Variants in SPTLC3 observed in about 807,000 individuals in gnomAD.
SPTLC3 encodes serine palmitoyltransferase long chain base subunit 3.
In SPTLC3, 36 loss-of-function variants were observed where a neutral mutation model predicts 59.3. The observed-to-expected ratio is 0.61, with a 90% CI of 0.47 to 0.80. The LOEUF (loss-of-function observed/expected upper bound fraction) is 0.80. Among genes scored for constraint, SPTLC3 ranks in the 30% least tolerant of loss-of-function variants. The probability of loss-of-function intolerance (pLI) is 0.00; values close to 1 mark genes in which losing one functional copy is unlikely to be tolerated. For missense variants in SPTLC3, 625 were observed against 685.1 expected, an observed-to-expected ratio of 0.91 and a Z score of 0.98; for synonymous variants, 257 against 240.8, an observed-to-expected ratio of 1.07 and a Z score of -0.62.
chr20:13,116,617 A>G lies in SPTLC3; in HGVS notation c.933-889A>G, dbSNP rs936609431. 2.3e-4 allele frequency among the ~76,000 whole-genome samples: 35 copies of G among 152,176 alleles called. 1 individual carries two copies. The highest frequency in any genetic ancestry group is 4.4e-5 in the Non-Finnish European group (3 of 68,022). ...AGAGCATTTCTGTCTCTGCCCTAGC[A>G]TGGAAGGTTCTATCGTGTATCTGTC... On this transcript the variant is annotated intron_variant, in intron 7 of 11. Transcript: ENST00000399002.
rs1986142941 is a variant in SPTLC3 at position 13,026,327 on chromosome 20, T to G, written c.117+16943T>G. 3.9e-5 allele frequency among the ~76,000 whole-genome samples: 6 copies of G among 152,222 alleles called. No individual in the cohort carries two copies. In the South Asian group the frequency reaches 1.2e-3, roughly 32 times the overall value. ...GCACTGTCATCCACAATGGTTGAACTAATTTACACTCCCACCAACAGTGTG... is the reference window on the plus strand; with the variant it reads ...GCACTGTCATCCACAATGGTTGAACGAATTTACACTCCCACCAACAGTGTG... On this transcript the variant is annotated intron_variant, in intron 1 of 11. Transcript: ENST00000399002.
rs1431541896 is a variant in SPTLC3 at position 13,166,037 on chromosome 20, T to C, written c.*1170T>C. The C allele has an allele frequency of 1.3e-5, 2 of 152,598 alleles. No individual in the cohort carries two copies. Among genetic ancestry groups the C allele is most frequent in the Non-Finnish European group, 2.9e-5 (2 of 68,030 alleles). 9.5% of individuals were successfully genotyped at this position (152,598 alleles called of 1,614,324 possible). On this transcript the variant is annotated 3_prime_UTR_variant, in exon 12 of 12. Coordinates refer to ENST00000399002, the MANE Select transcript of SPTLC3 (RefSeq NM_018327.4). ...TAGCCTCTTGTTAATCTGATCTAGT[T>C]TGTATGGAAAAAGCCCATGGAGAAC...
At chr20:13,135,168 A>G (rs1212051072) in intron 9 of SPTLC3, among the ~76,000 whole-genome samples, 2 of 152,354 alleles carry the variant, frequency 1.3e-5, no homozygotes, top group Admixed American at 6.5e-5. Context: ...GGTAGCATTT[A>G]TAATAATTAT....
intron 2 of SPTLC3, among the ~76,000 whole-genome samples, chr20:13,060,788 C>CT (rs140765839): frequency 0.25 from 38,199 of 151,276 alleles, 4,908 homozygotes; most frequent in Middle Eastern, 0.33. Flanking sequence ...TAATTTTATT[C>CT]TTTTTTGTGG....
At chr20:13,159,885 A>T in intron 10 of SPTLC3, 118 bp from the exon 11 acceptor site, 6 of 1,355,996 alleles carry the variant, frequency 4.4e-6, no homozygotes, top group Non-Finnish European at 5.9e-6. Flanking sequence ...ACTTATTATC[A>T]TAAAAAAGAA....
chr20:13,049,261 C>T (rs369015762), intron 2 of SPTLC3, 131 bp downstream of exon 2: 6 of 1,006,114 alleles, frequency 6.0e-6, no homozygotes, highest in Non-Finnish European at 9.1e-6. Flanking sequence ...AAATTTCATT[C>T]ATCTCCACCT....
rs1418224173 is a variant in SPTLC3 at position 13,166,612 on chromosome 20, C to T, written c.*1745C>T. 1 of 152,198 alleles carries T rather than the reference C, an allele frequency of 6.6e-6. No individual in the cohort carries two copies. The highest frequency in any genetic ancestry group is 1.5e-5 in the Non-Finnish European group (1 of 68,042). 9.4% of individuals were successfully genotyped at this position (152,198 alleles called of 1,614,324 possible). ...AAATATGCAAAGAAAGGGAGACATA[C>T]TGTTCTTATCTTGAATATGTGCATT... On this transcript the variant is annotated 3_prime_UTR_variant, in exon 12 of 12. Coordinates refer to ENST00000399002, the MANE Select transcript of SPTLC3 (RefSeq NM_018327.4).
intron 3 of SPTLC3, 123 bp from the exon 4 acceptor site, chr20:13,074,226 C>A: frequency 8.1e-7 from 1 of 1,228,884 alleles, no homozygotes; most frequent in South Asian, 1.3e-5. Flanking sequence ...TCTGAGCTGC[C>A]ATCTCCTTGG....
intron 1 of SPTLC3, among the ~76,000 whole-genome samples, chr20:13,038,900 T>C (rs1986853590): frequency 6.6e-6 from 1 of 151,770 alleles, no homozygotes. Context: ...CTTTGACTCA[T>C]TTACTATTTA....
At chr20:13,042,301 T>C (rs1024942078) in intron 1 of SPTLC3, among the ~76,000 whole-genome samples, 1 of 152,180 alleles carries the variant, frequency 6.6e-6, no homozygotes, top group African/African-American at 2.4e-5. Context: ...AAATAAGTTA[T>C]CTTGGGGAAT....
chr20:13,138,971 T>C lies in SPTLC3; in HGVS notation c.1279+12254T>C, dbSNP rs146476437. Among the ~76,000 whole-genome samples the C allele has an allele frequency of 3.6e-4, 55 of 152,306 alleles. 2 individuals carry two copies. The East Asian group carries it at 0.01, about 28-fold the overall frequency. ...TCTGAAACTCAAAAGTGTATTTGAC[T>C]TTTTCATACACAGTAATCAGCAGGC... On this transcript the variant is annotated intron_variant, in intron 9 of 11. Transcript: ENST00000399002.
chr20:13,151,289 TG>T (rs775500508), intron 9 of SPTLC3, among the ~76,000 whole-genome samples: 46 of 152,250 alleles, frequency 3.0e-4, no homozygotes, highest in Non-Finnish European at 5.9e-4. Context: ...CAAGAAGATC[TG>T]GTTTGTTTAA....
intron 2 of SPTLC3, among the ~76,000 whole-genome samples, chr20:13,062,700 C>T (rs545033898): frequency 1.3e-4 from 20 of 152,294 alleles, no homozygotes; most frequent in African/African-American, 4.8e-4. Flanking sequence ...TGTGTACTTA[C>T]TCTGTCCTTT....
chr20:13,032,449 G>C (rs913821019), intron 1 of SPTLC3, among the ~76,000 whole-genome samples: 1 of 152,158 alleles, frequency 6.6e-6, no homozygotes, highest in Non-Finnish European at 1.5e-5. Context: ...GGCTTACCCT[G>C]CTATCAAAGG....
intron 9 of SPTLC3, among the ~76,000 whole-genome samples, chr20:13,143,532 CT>C (rs1247808449): frequency 6.6e-6 from 1 of 152,178 alleles, no homozygotes; most frequent in Non-Finnish European, 1.5e-5. Context: ...GTAGAGTTTA[CT>C]TTGAACCCAG....
chr20:13,060,430 C>T (rs937434479), intron 2 of SPTLC3, among the ~76,000 whole-genome samples: 5 of 149,390 alleles, frequency 3.3e-5, no homozygotes, highest in Admixed American at 6.7e-5. Context: ...GGGGGATTGT[C>T]CTACTTTATT....
intron 8 of SPTLC3, among the ~76,000 whole-genome samples, chr20:13,126,022 G>A (rs1366274363): frequency 5.3e-5 from 8 of 152,018 alleles, no homozygotes; most frequent in African/African-American, 1.2e-4. Flanking sequence ...CTCCCTCCAC[G>A]TTTTCTTTTC....
intron 1 of SPTLC3, among the ~76,000 whole-genome samples, chr20:13,046,321 C>T (rs1173975548): frequency 6.6e-6 from 1 of 152,174 alleles, no homozygotes; most frequent in Non-Finnish European, 1.5e-5. Flanking sequence ...TTTATGCAGG[C>T]AATCACCACC....
chr20:13,072,482 T>C (rs964655799), intron 3 of SPTLC3, 72 bp downstream of exon 3: 11 of 1,425,800 alleles, frequency 7.7e-6, no homozygotes, highest in Non-Finnish European at 1.0e-5. Context: ...GGCCACTAGA[T>C]GACAAATCCA....
Sources: allele counts gnomAD v4.1 joint callset (sites outside exome capture counted in the v4.1 genomes callset), GRCh38; gene constraint gnomAD v4.1.1; transcripts MANE v1.5; gene names NCBI Gene and HGNC (gene_info 2026-07-23, HGNC 2026-07-21).